Variants in RNF220 observed in about 807,000 individuals in gnomAD.
RNF220 encodes ring finger protein 220, also known as E3 ubiquitin-protein ligase RNF220.
RNF220 carries 7 observed loss-of-function variants against 67.1 expected under a neutral mutation model. The observed-to-expected ratio is 0.10, with a 90% CI of 0.06 to 0.20. The LOEUF (loss-of-function observed/expected upper bound fraction) is 0.20. RNF220 is among the 10% of genes least tolerant of loss of function. RNF220 has a pLI of 1.00. For synonymous variants in RNF220, 270 were observed against 283.2 expected (o/e 0.95, Z 0.47); for missense variants, 565 against 740.3 (o/e 0.76, Z 2.75).
At chr1:44,420,731 C>A (rs1230689900) in intron 2 of RNF220, among the ~76,000 whole-genome samples, 1 of 152,174 alleles carries the variant, frequency 6.6e-6, no homozygotes, top group East Asian at 1.9e-4. Context: ...GTTACCTAAT[C>A]TCTCTGGGCC....
chr1:44,501,308 C>T (rs1657851340), intron 2 of RNF220, among the ~76,000 whole-genome samples: 1 of 151,432 alleles, frequency 6.6e-6, no homozygotes, highest in South Asian at 2.1e-4. Flanking sequence ...TTTTGAATTT[C>T]AATCAGGTTG....
rs574092094 is a variant in RNF220 at position 44,431,485 on chromosome 1, T to C, written c.625+18763T>C. ...CCAGCCTGGGCGACAGAGCAAGACT[T>C]CATCGACTTCATCTCAAAAAAAAAA... On this transcript the variant is annotated intron_variant, in intron 2 of 14. Transcript: ENST00000361799. Among the ~76,000 whole-genome samples, 21 of 140,918 alleles carry C rather than the reference T, an allele frequency of 1.5e-4. No homozygotes were observed. The East Asian group carries it at 4.1e-3, about 28-fold the overall frequency. The allele number at this position is 140,918 out of a possible 152,430, so 92.4% of individuals were successfully genotyped here.
chr1:44,604,164 C>CA (rs1178729350), intron 2 of RNF220, among the ~76,000 whole-genome samples: 2 of 152,094 alleles, frequency 1.3e-5, no homozygotes, highest in East Asian at 3.9e-4. Context: ...TGTCTAAATG[C>CA]AAAAAAATAC....
intron 2 of RNF220, among the ~76,000 whole-genome samples, chr1:44,475,942 G>A (rs1016592597): frequency 6.6e-6 from 1 of 151,382 alleles, no homozygotes; most frequent in Admixed American, 6.6e-5. Context: ...AACCTGGGAG[G>A]CAGAGGTTGC....
Position 44,431,342 on chromosome 1 carries a change from G to A in RNF220, c.625+18620G>A, listed in dbSNP as rs1256355441. Among the ~76,000 whole-genome samples the A allele has an allele frequency of 5.3e-5, 8 of 151,880 alleles. 1 individual carries two copies. In the South Asian group the frequency reaches 1.2e-3, roughly 24 times the overall value. On this transcript the variant is annotated intron_variant, in intron 2 of 14. Coordinates refer to ENST00000361799, the MANE Select transcript of RNF220 (RefSeq NM_018150.4). ...CTGTCTCTTCTAAAAATACAAAAAG[G>A]TAGCCAGGTGTAGTGGCCTGCGCCT...
intron 1 of RNF220, among the ~76,000 whole-genome samples, chr1:44,405,844 T>C (rs1485019312): frequency 6.6e-6 from 1 of 151,796 alleles, no homozygotes; most frequent in African/African-American, 2.4e-5. Flanking sequence ...GACGCGGGAA[T>C]TGGACAAGTT....
intron 2 of RNF220, among the ~76,000 whole-genome samples, chr1:44,456,410 G>T (rs951813717): frequency 1.9e-4 from 29 of 152,208 alleles, no homozygotes; most frequent in African/African-American, 7.0e-4. Flanking sequence ...TCACTTTTCA[G>T]AGTGCCGGAA....
chr1:44,544,231 G>A (rs566276753), intron 2 of RNF220, among the ~76,000 whole-genome samples: 4 of 152,302 alleles, frequency 2.6e-5, no homozygotes, highest in South Asian at 4.1e-4. Flanking sequence ...GATCTCTGCC[G>A]GGGCCCCAGA....
intron 2 of RNF220, among the ~76,000 whole-genome samples, chr1:44,609,823 C>T (rs572065700): frequency 1.3e-5 from 2 of 152,354 alleles, no homozygotes; most frequent in East Asian, 3.9e-4. Context: ...TGTTGTCCAG[C>T]AGGAAAGGTA....
At chr1:44,413,853 C>T (rs1648250231) in intron 2 of RNF220, among the ~76,000 whole-genome samples, 1 of 152,194 alleles carries the variant, frequency 6.6e-6, no homozygotes, top group African/African-American at 2.4e-5. Context: ...CAGCTCTCTC[C>T]CCTGTCGCCA....
At chr1:44,512,433 G>A (rs530880106) in intron 2 of RNF220, among the ~76,000 whole-genome samples, 1 of 152,292 alleles carries the variant, frequency 6.6e-6, no homozygotes, top group South Asian at 2.1e-4. Flanking sequence ...CACACAATTT[G>A]GATGTGGAGC....
intron 2 of RNF220, among the ~76,000 whole-genome samples, chr1:44,492,242 T>C (rs1209461679): frequency 6.6e-6 from 1 of 152,176 alleles, no homozygotes; most frequent in South Asian, 2.1e-4. Flanking sequence ...TTAGGATGTA[T>C]ATAATCAAAA....
chr1:44,522,177 G>A (rs1416513932), intron 2 of RNF220, among the ~76,000 whole-genome samples: 1 of 152,184 alleles, frequency 6.6e-6, no homozygotes, highest in Non-Finnish European at 1.5e-5. Context: ...ACATTTCCAT[G>A]TGGGAAGCTC....
chr1:44,637,508 C>G (rs1644363750), intron 8 of RNF220, among the ~76,000 whole-genome samples: 1 of 152,202 alleles, frequency 6.6e-6, no homozygotes, highest in Admixed American at 6.5e-5. Flanking sequence ...ACGTGCTGCT[C>G]TGGTTAGCTC....
intron 2 of RNF220, among the ~76,000 whole-genome samples, chr1:44,437,806 A>G (rs1212174707): frequency 6.6e-6 from 1 of 152,114 alleles, no homozygotes; most frequent in African/African-American, 2.4e-5. Context: ...ACCTCTCAAA[A>G]CCACAGATGA....
At chr1:44,523,037 A>G (rs1373881182) in intron 2 of RNF220, among the ~76,000 whole-genome samples, 1 of 152,238 alleles carries the variant, frequency 6.6e-6, no homozygotes, top group Non-Finnish European at 1.5e-5. Context: ...GATGGGGAAG[A>G]ACATATGTTC....
At chr1:44,479,867 G>A (rs889209358) in intron 2 of RNF220, among the ~76,000 whole-genome samples, 4 of 152,156 alleles carry the variant, frequency 2.6e-5, no homozygotes, top group Non-Finnish European at 4.4e-5. Context: ...GCTAAAAGCA[G>A]CCAGCTCATG....
At chr1:44,588,313 G>A (rs1038049808) in intron 2 of RNF220, among the ~76,000 whole-genome samples, 15 of 152,192 alleles carry the variant, frequency 9.9e-5, no homozygotes, top group Admixed American at 4.6e-4. Context: ...GCTGCCAAGC[G>A]GCAGACCTGC....
intron 2 of RNF220, among the ~76,000 whole-genome samples, chr1:44,530,621 A>G (rs1282656554): frequency 6.6e-6 from 1 of 152,172 alleles, no homozygotes; most frequent in Non-Finnish European, 1.5e-5. Flanking sequence ...TGATGCAAAG[A>G]TGAAATACGT....
Sources: allele counts gnomAD v4.1 joint callset (sites outside exome capture counted in the v4.1 genomes callset), GRCh38; gene constraint gnomAD v4.1.1; transcripts MANE v1.5; gene names NCBI Gene and HGNC (gene_info 2026-07-23, HGNC 2026-07-21).